The following UCN3 variants were observed in gnomAD, a reference collection of about 807,000 sequenced individuals.
The protein encoded by UCN3 is urocortin 3.
UCN3 carries 3 observed loss-of-function variants against 3.6 expected under a neutral mutation model. The ratio of observed to expected loss-of-function variants is 0.83; its 90% CI spans 0.38 to 2.15. UCN3 has a LOEUF of 2.15. Ranked by LOEUF, UCN3 falls within the 30% of genes most tolerant of loss-of-function variation. UCN3 has a pLI of 0.06. For missense variants in UCN3, 206 were observed against 208.3 expected (o/e 0.99, Z 0.07); for synonymous variants, 100 against 93.2 (o/e 1.07, Z -0.42).
chr10:5,370,879 A>ATGTGCGTGTG (rs1564443748), intron 1 of UCN3, among the ~76,000 whole-genome samples: 780 of 76,558 alleles, frequency 0.01, 81 homozygotes, highest in African/African-American at 0.044. Flanking sequence ...ATGTGTGTGT[A>ATGTGCGTGTG]TATGCGTGTG....
chr10:5,370,180 CGT>C (rs1183288369), intron 1 of UCN3, among the ~76,000 whole-genome samples: 1 of 14,354 alleles, frequency 7.0e-5, no homozygotes. Flanking sequence ...TGTGTATATG[CGT>C]GTGTATATGC....
chr10:5,373,726 G>T lies in UCN3; in HGVS notation c.6G>T (p.Leu2=), dbSNP rs1554811746. The part of the protein sequence containing the change: M[L]MPVHFLLLLL... ...CTTTTCTGCTGCAGGGAGAGATGCTGATGCCGGTCCACTTCCTGCTGCTCC... is the reference window on the plus strand; with the variant it reads ...CTTTTCTGCTGCAGGGAGAGATGCTTATGCCGGTCCACTTCCTGCTGCTCC... The change falls in exon 2 of 2, where the codon CTG becomes CTT. Residue 2 remains leucine (L), a synonymous_variant. Coordinates refer to ENST00000380433, the MANE Select transcript of UCN3 (RefSeq NM_053049.4). 2 of 1,613,224 alleles carry T rather than the reference G, an allele frequency of 1.2e-6. No homozygotes were observed. Among genetic ancestry groups the T allele is most frequent in the African/African-American group, 2.7e-5 (2 of 74,852 alleles).
chr10:5,370,288 TGTGTGTATG>T, intron 1 of UCN3, among the ~76,000 whole-genome samples: 6 of 70,038 alleles, frequency 8.6e-5, no homozygotes, highest in Non-Finnish European at 1.7e-4. Flanking sequence ...TGTATATGCG[TGTGTGTATG>T]CGTGTGTATA....
rs1831351729 is a variant in UCN3, at chr10:5,370,262, C to CGTGTGTATGTGTGTGTGTATGTGT, written c.-6-3445_-6-3444insGTGTGTGTGTATGTGTGTGTGTAT. ...GCGTGTGTGTATGCGTGTGTATATGCGTGTGTATATGCGTGTGTATATGCG... is the reference window on the plus strand; with the variant it reads ...GCGTGTGTGTATGCGTGTGTATATGCGTGTGTATGTGTGTGTGTATGTGTGTGTGTATATGCGTGTGTATATGCG... On this transcript the variant is annotated intron_variant, in intron 1 of 1. Transcript: ENST00000380433. Among the ~76,000 whole-genome samples, 2 of 21,596 alleles carry CGTGTGTATGTGTGTGTGTATGTGT rather than the reference C, an allele frequency of 9.3e-5. 1 individual carries two copies. Among genetic ancestry groups the CGTGTGTATGTGTGTGTGTATGTGT allele is most frequent in the Non-Finnish European group, 1.7e-4 (2 of 11,610 alleles). 14.2% of individuals were successfully genotyped at this position (21,596 alleles called of 152,430 possible).
chr10:5,374,428 T>G lies in UCN3; in HGVS notation c.*222T>G. The G allele has an allele frequency of 1.8e-6, 1 of 543,516 alleles. No homozygotes were observed. Among genetic ancestry groups the G allele is most frequent in the Non-Finnish European group, 3.3e-6 (1 of 304,542 alleles). The allele number at this position is 543,516 out of a possible 1,614,324, so 33.7% of individuals were successfully genotyped here. On this transcript the variant is annotated 3_prime_UTR_variant, in exon 2 of 2. Transcript: ENST00000380433. The stretch of plus-strand genomic sequence containing the variant: ...CTGTACACACAGAAGTGCAGTATTG[T>G]CCAACCTTCCCAGACACAAAGCAGC...
chr10:5,365,543 C>T lies in UCN3; in HGVS notation c.-7+313C>T, dbSNP rs1445153067. Reference sequence around the variant, plus strand: ...TTTCTCTGAACAGAGCACAGCTGTGCACAGGAAAGTCAGTCCTCGGAGACA... The same window carrying T: ...TTTCTCTGAACAGAGCACAGCTGTGTACAGGAAAGTCAGTCCTCGGAGACA... On this transcript the variant is annotated intron_variant, in intron 1 of 1. Coordinates refer to ENST00000380433, the MANE Select transcript of UCN3 (RefSeq NM_053049.4). The surrounding 1 kb of genome is among the most constrained non-coding windows in gnomAD (Gnocchi z 4.4). Among the ~76,000 whole-genome samples the T allele has an allele frequency of 6.6e-6, 1 of 152,194 alleles. No homozygotes were observed. The highest frequency in any genetic ancestry group is 6.5e-5 in the Admixed American group (1 of 15,286).
intron 1 of UCN3, among the ~76,000 whole-genome samples, chr10:5,371,127 GTA>G (rs1831420064): frequency 1.3e-5 from 2 of 151,186 alleles, no homozygotes; most frequent in South Asian, 2.1e-4. Context: ...TGTGAGGTAT[GTA>G]TGTGTGTGCA....
rs1834113785 is a variant in UCN3, at chr10:5,365,967, C to T, written c.-7+737C>T. On this transcript the variant is annotated intron_variant, in intron 1 of 1. Transcript: ENST00000380433. This position sits in a 1 kb window ranked among gnomAD's most constrained non-coding sequence, Gnocchi z 4.4. Reference sequence around the variant, plus strand: ...TATGTTTTCTGAAAATTCCTGTTCGCAATTTCTTTCCCAAGCATAGCCACC... The same window carrying T: ...TATGTTTTCTGAAAATTCCTGTTCGTAATTTCTTTCCCAAGCATAGCCACC... Among the ~76,000 whole-genome samples, 1 of 152,186 alleles carries T rather than the reference C, an allele frequency of 6.6e-6. No homozygotes were observed. Among genetic ancestry groups the T allele is most frequent in the African/African-American group, 2.4e-5 (1 of 41,442 alleles).
chr10:5,370,224 TGC>T lies in UCN3; in HGVS notation c.-6-3489_-6-3488del, dbSNP rs1252028567. On this transcript the variant is annotated intron_variant, in intron 1 of 1. Transcript: ENST00000380433. The stretch of plus-strand genomic sequence containing the variant: ...ATATGCGTGTGTATGTGTGTGTATG[TGC>T]GTGTGTGTATGCGTGTGTGTATGCG... Among the ~76,000 whole-genome samples the T allele has an allele frequency of 6.7e-3, 372 of 55,506 alleles. 72 individuals carry two copies. The highest frequency in any genetic ancestry group is 0.01 in the African/African-American group (97 of 9,594). The allele number at this position is 55,506 out of a possible 152,430, so 36.4% of individuals were successfully genotyped here.
Position 5,367,310 on chromosome 10 carries a change from C to T in UCN3, c.-7+2080C>T, listed in dbSNP as rs887804253. On this transcript the variant is annotated intron_variant, in intron 1 of 1. Coordinates refer to ENST00000380433, the MANE Select transcript of UCN3 (RefSeq NM_053049.4). This position sits in a 1 kb window ranked among gnomAD's most constrained non-coding sequence, Gnocchi z 4.3. ...CATGTATGATTTCATAATTAAAAAA[C>T]AAAACCAAAAAAGTATGCCATATAA... 1.3e-5 allele frequency among the ~76,000 whole-genome samples: 2 copies of T among 152,244 alleles called. No individual in the cohort carries two copies. The highest frequency in any genetic ancestry group is 1.3e-4 in the Admixed American group (2 of 15,308).
In UCN3 at chr10:5,374,605, A is replaced by G; in HGVS notation, c.*399A>G. 1 of 166,866 alleles carries G rather than the reference A, an allele frequency of 6.0e-6. No homozygotes were observed. Among genetic ancestry groups the G allele is most frequent in the Non-Finnish European group, 1.3e-5 (1 of 76,974 alleles). The allele number at this position is 166,866 out of a possible 1,614,324, so 10.3% of individuals were successfully genotyped here. ...CCTCTCCCACACATCAACTTCTTCC[A>G]GGGCAGAAAGAGGAGCTGCAGCACT... On this transcript the variant is annotated 3_prime_UTR_variant, in exon 2 of 2. Transcript: ENST00000380433.
chr10:5,370,269 ATATGCGTGTGTATATGCGTGTGTG>A (rs1564442642), intron 1 of UCN3, among the ~76,000 whole-genome samples: 6 of 65,632 alleles, frequency 9.1e-5, no homozygotes, highest in Non-Finnish European at 1.1e-4. Context: ...ATGCGTGTGT[ATATGCGTGTGTATATGCGTGTGTG>A]TATGCGTGTG....
At chr10:5,370,560 TGTGTGTATATGC>T (rs1271661365) in intron 1 of UCN3, among the ~76,000 whole-genome samples, 1 of 98,426 alleles carries the variant, frequency 1.0e-5, no homozygotes, top group Non-Finnish European at 2.0e-5. Flanking sequence ...TGTGTATATG[TGTGTGTATATGC>T]GTGTATATGT....
At position 5,373,864 on chromosome 10, in the gene UCN3, G is replaced by C. The variant is rs782557961; in HGVS notation, c.144G>C (p.Trp48Cys). 6.2e-7 allele frequency: 1 copy of C among 1,614,094 alleles called. No homozygotes were observed. Among genetic ancestry groups the C allele is most frequent in the Non-Finnish European group, 8.5e-7 (1 of 1,179,990 alleles). ...TALSEAEKGQ[W>C]EDASLLSKRS... ...TGTCTGAGGCTGAGAAGGGCCAGTG[G>C]GAGGATGCATCCCTGCTGAGCAAGA... is the stretch of plus-strand genomic sequence containing the variant. The change falls in exon 2 of 2, where the codon TGG becomes TGC. Residue 48 changes from tryptophan to cysteine, a missense_variant. Coordinates refer to ENST00000380433, the MANE Select transcript of UCN3 (RefSeq NM_053049.4).
At position 5,373,046 on chromosome 10, in the gene UCN3, A is replaced by G. The variant is rs149339447; in HGVS notation, c.-6-669A>G. Among the ~76,000 whole-genome samples the G allele has an allele frequency of 3.9e-5, 6 of 152,210 alleles. No homozygotes were observed. In the East Asian group the frequency reaches 1.2e-3, roughly 29 times the overall value. ...GGCATTGAGGTCCTGCGGTTGGAGG[A>G]CGTTGGTGCTCCCTGGATGATACTT... On this transcript the variant is annotated intron_variant, in intron 1 of 1. Transcript: ENST00000380433.
At chr10:5,370,385 A>ATGTGTG (rs1298674026) in intron 1 of UCN3, among the ~76,000 whole-genome samples, 3 of 53,926 alleles carry the variant, frequency 5.6e-5, no homozygotes, top group Admixed American at 1.7e-4. Flanking sequence ...ATGCGTGTAT[A>ATGTGTG]TGCGTGTGTA....
In UCN3 at chr10:5,374,168, A is replaced by C. The variant is rs1554811821; in HGVS notation, c.448A>C (p.Asn150His). The change falls in exon 2 of 2, where the codon AAT (asparagine) becomes CAT (histidine). Residue 150 changes from asparagine (N) to histidine (H), a missense_variant. Coordinates refer to ENST00000380433, the MANE Select transcript of UCN3 (RefSeq NM_053049.4). ...GAACCTGCGTGCCCAGGCGGCCGCC[A>C]ATGCCCACCTGATGGCGCAAATTGG... ...AKNLRAQAAA[N>H]AHLMAQIGRK... The C allele has an allele frequency of 1.2e-6, 2 of 1,610,750 alleles. No individual in the cohort carries two copies. Among genetic ancestry groups the C allele is most frequent in the Non-Finnish European group, 1.7e-6 (2 of 1,178,746 alleles).
At position 5,367,300 on chromosome 10, in the gene UCN3, A is replaced by C. The variant is rs182602136; in HGVS notation, c.-7+2070A>C. ...TCTAGGTACACATGTATGATTTCAT[A>C]ATTAAAAAACAAAACCAAAAAAGTA... On this transcript the variant is annotated intron_variant, in intron 1 of 1. Coordinates refer to ENST00000380433, the MANE Select transcript of UCN3 (RefSeq NM_053049.4). This position sits in a 1 kb window ranked among gnomAD's most constrained non-coding sequence, Gnocchi z 4.3. Among the ~76,000 whole-genome samples, 1 of 152,358 alleles carries C rather than the reference A, an allele frequency of 6.6e-6. No individual in the cohort carries two copies. Among genetic ancestry groups the C allele is most frequent in the East Asian group, 1.9e-4 (1 of 5,190 alleles).
chr10:5,370,414 T>TGTGTGTATATGC (rs1158320474), intron 1 of UCN3, among the ~76,000 whole-genome samples: 2 of 110,528 alleles, frequency 1.8e-5, no homozygotes, highest in Non-Finnish European at 1.8e-5. Context: ...TGTATATGTG[T>TGTGTGTATATGC]GTGTGTATAT....
Sources: gnomAD v4.1 joint callset for allele counts (sites outside exome capture counted in the v4.1 genomes callset) on GRCh38, gnomAD v4.1.1 for gene constraint, Gnocchi (gnomAD v3.1) non-coding constraint, MANE v1.5 for transcripts, NCBI Gene and HGNC (gene_info 2026-07-23, HGNC 2026-07-21) for gene names.